The following SASH1 variants were observed in gnomAD, a reference collection of about 807,000 sequenced individuals.
SASH1 encodes the protein SAM and SH3 domain containing 1, also known as SAM and SH3 domain-containing protein 1.
Under a neutral mutation model 125.2 loss-of-function variants are expected in SASH1, and 44 were observed. The ratio of observed to expected loss-of-function variants is 0.35; its 90% confidence interval spans 0.28 to 0.45. The LOEUF (loss-of-function observed/expected upper bound fraction) is 0.45. SASH1 is among the 20% of genes least tolerant of loss of function. SASH1 has a pLI of 1.00. For synonymous variants in SASH1, 639 were observed against 649.1 expected, an observed-to-expected ratio of 0.98 and a Z score of 0.24; for missense variants, 1,426 against 1,614.5, an observed-to-expected ratio of 0.88 and a Z score of 2.00.
At chr6:148,211,406 A>G in the SASH1 span, among the ~76,000 whole-genome samples, 1 of 152,096 alleles carries the variant, frequency 6.6e-6, no homozygotes, top group South Asian at 2.1e-4. Context: ...CCCCATCTCT[A>G]CTAATAATAT....
the SASH1 span, among the ~76,000 whole-genome samples, chr6:148,234,730 G>C: frequency 6.6e-6 from 1 of 151,984 alleles, no homozygotes; most frequent in African/African-American, 2.4e-5. Flanking sequence ...AGGAGGCTGA[G>C]ACAGGAGAAT....
intron 8 of SASH1, among the ~76,000 whole-genome samples, chr6:148,503,517 T>C (rs1346067495): frequency 6.6e-6 from 1 of 152,184 alleles, no homozygotes; most frequent in Non-Finnish European, 1.5e-5. Context: ...TGCGAAAATA[T>C]TCAAAACATA....
At chr6:148,524,492 C>T (rs918104959) in intron 10 of SASH1, 9 of 152,036 alleles carry the variant, frequency 5.9e-5, no homozygotes, top group Admixed American at 2.0e-4. Flanking sequence ...TAAGCAGTTC[C>T]GTGAAGTTTG....
chr6:148,456,900 T>C (rs1431817351), intron 4 of SASH1, among the ~76,000 whole-genome samples: 3 of 146,710 alleles, frequency 2.0e-5, no homozygotes, highest in African/African-American at 2.5e-5. Flanking sequence ...ATAATAATAA[T>C]ATAATGTAAA....
intron 1 of SASH1, among the ~76,000 whole-genome samples, chr6:148,292,102 A>G (rs1441070291): frequency 6.6e-6 from 1 of 152,208 alleles, no homozygotes; most frequent in African/African-American, 2.4e-5. Context: ...AATGTACTTA[A>G]TGAAGTGTTT....
intron 8 of SASH1, among the ~76,000 whole-genome samples, chr6:148,502,773 C>T (rs1779614123): frequency 1.3e-5 from 2 of 152,104 alleles, no homozygotes; most frequent in South Asian, 4.2e-4. Flanking sequence ...AAGTAGGGCC[C>T]CAGGGCCATG....
chr6:148,507,533 A>G (rs937582665), intron 8 of SASH1, among the ~76,000 whole-genome samples: 1 of 151,946 alleles, frequency 6.6e-6, no homozygotes, highest in Non-Finnish European at 1.5e-5. Flanking sequence ...ACCACGCCTG[A>G]CTAAGTTTTG....
chr6:148,381,617 C>CT (rs201145545), intron 1 of SASH1, among the ~76,000 whole-genome samples: 1,745 of 77,760 alleles, frequency 0.022, 299 homozygotes, highest in African/African-American at 0.073. Context: ...TTCTTGCTTT[C>CT]TTTTTTTTTT....
intron 1 of SASH1, among the ~76,000 whole-genome samples, chr6:148,376,709 C>G (rs545994235): frequency 1.1e-4 from 17 of 151,946 alleles, no homozygotes; most frequent in African/African-American, 3.9e-4. Flanking sequence ...ACAAAAAATA[C>G]AAAAAATTAG....
At chr6:148,512,656 A>G in intron 8 of SASH1, 1 of 984,548 alleles carries the variant, frequency 1.0e-6, no homozygotes, top group Non-Finnish European at 1.2e-6. Context: ...TTTAAGCCTA[A>G]TTGTCAGCAT....
intron 2 of SASH1, among the ~76,000 whole-genome samples, chr6:148,414,552 C>A (rs998815875): frequency 1.3e-5 from 2 of 152,202 alleles, no homozygotes; most frequent in African/African-American, 4.8e-5. Flanking sequence ...AAAAGTTTAT[C>A]CAACACATAC....
intron 2 of SASH1, among the ~76,000 whole-genome samples, chr6:148,431,976 A>T (rs1019895102): frequency 7.1e-6 from 1 of 139,968 alleles, no homozygotes. Flanking sequence ...AAGTAATATA[A>T]TTTTTTTTTT....
intron 1 of SASH1, among the ~76,000 whole-genome samples, chr6:148,359,195 A>G (rs895466666): frequency 1.3e-4 from 19 of 151,190 alleles, no homozygotes; most frequent in South Asian, 2.1e-4. Flanking sequence ...GTCTCACTCT[A>G]TTGTCCAAGC....
the SASH1 span, among the ~76,000 whole-genome samples, chr6:148,255,774 C>G: frequency 6.6e-6 from 1 of 152,108 alleles, no homozygotes; most frequent in Non-Finnish European, 1.5e-5. Flanking sequence ...TCCTGAGTAG[C>G]TGGGACTACA....
chr6:148,388,575 A>G (rs1482312383), intron 1 of SASH1, among the ~76,000 whole-genome samples: 1 of 152,252 alleles, frequency 6.6e-6, no homozygotes, highest in African/African-American at 2.4e-5. Flanking sequence ...TTGGTGGGGA[A>G]GCAAGGAGCT....
intron 1 of SASH1, chr6:148,283,506 T>G (rs2128506387): frequency 6.6e-6 from 1 of 152,412 alleles, no homozygotes; most frequent in South Asian, 2.1e-4. Context: ...GCGCGGTGGG[T>G]CACGCCTGTA....
At chr6:148,407,823 G>A (rs1784437927) in intron 2 of SASH1, among the ~76,000 whole-genome samples, 1 of 151,998 alleles carries the variant, frequency 6.6e-6, no homozygotes, top group South Asian at 2.1e-4. Context: ...GGTAGAGATG[G>A]GGTTTCACCA....
intron 1 of SASH1, among the ~76,000 whole-genome samples, chr6:148,367,144 G>A (rs892880964): frequency 1.3e-5 from 2 of 151,864 alleles, no homozygotes; most frequent in South Asian, 4.2e-4. Context: ...GGCTGGTCTC[G>A]AACTCCTGAC....
the SASH1 span, among the ~76,000 whole-genome samples, chr6:148,264,902 C>CTTAGATGAATGCTTAGAAAGCATGCT: frequency 6.6e-6 from 1 of 152,238 alleles, no homozygotes; most frequent in Non-Finnish European, 1.5e-5. Context: ...CTATGGCCAT[C>CTTAGATGAATGCTTAGAAAGCATGCT]TAGAAAGCAT....
Sources: allele counts gnomAD v4.1 joint callset (sites outside exome capture counted in the v4.1 genomes callset), GRCh38; gene constraint gnomAD v4.1.1; transcripts MANE v1.5; gene names NCBI Gene and HGNC (gene_info 2026-07-23, HGNC 2026-07-21).